NINL: variants seen among roughly 807,000 people sequenced by gnomAD.
NINL encodes the protein ninein like.
A neutral mutation model predicts 160.3 loss-of-function variants in NINL; 153 were observed. The ratio of observed to expected loss-of-function variants is 0.95; its 90% CI spans 0.84 to 1.09. The LOEUF is 1.09. NINL is among the 50% of genes least tolerant of loss of function. The pLI, the probability that NINL is intolerant of heterozygous loss-of-function variation, is 0.00. For synonymous variants in NINL, 800 were observed against 734.8 expected, an observed-to-expected ratio of 1.09 and a Z score of -1.43; for missense variants, 1,829 against 1,764.0, an observed-to-expected ratio of 1.04 and a Z score of -0.66.
chr20:25,579,248 GTA>G (rs1467725278), intron 1 of NINL, among the ~76,000 whole-genome samples: 1 of 152,140 alleles, frequency 6.6e-6, no homozygotes, highest in African/African-American at 2.4e-5. Context: ...GTGACCCTGA[GTA>G]TGTTATTATC....
Position 25,582,264 on chromosome 20 carries a change from A to C in NINL, c.-12+3191T>G, listed in dbSNP as rs2065183265. Among the ~76,000 whole-genome samples, 3 of 152,304 alleles carry C rather than the reference A, an allele frequency of 2.0e-5. No individual in the cohort carries two copies. The South Asian group carries it at 6.2e-4, about 32-fold the overall frequency. ...GCGAGACTCCATATCAAAAACAAAC[A>C]AACAAACAAACAAAAAACAAAACTT... On this transcript the variant is annotated intron_variant, in intron 1 of 23. Coordinates refer to ENST00000278886, the MANE Select transcript of NINL (RefSeq NM_025176.6).
At chr20:25,457,107 C>T (rs905234696) in intron 22 of NINL, among the ~76,000 whole-genome samples, 2 of 151,820 alleles carry the variant, frequency 1.3e-5, no homozygotes, top group African/African-American at 4.8e-5. Flanking sequence ...GGGTGGATCA[C>T]GAGGTCAGGA....
At chr20:25,505,795 G>T (rs1448892543) in intron 5 of NINL, among the ~76,000 whole-genome samples, 1 of 152,176 alleles carries the variant, frequency 6.6e-6, no homozygotes, top group East Asian at 1.9e-4. Flanking sequence ...AAGGGGAGCT[G>T]CAAAGCACCA....
At chr20:25,460,804 C>T (rs1431846593) in intron 21 of NINL, among the ~76,000 whole-genome samples, 4 of 152,316 alleles carry the variant, frequency 2.6e-5, no homozygotes, top group Admixed American at 2.6e-4. Context: ...AGCCGAGCCT[C>T]ACAGGCAGGT....
intron 21 of NINL, 51 bp downstream of exon 21, chr20:25,461,471 T>G (rs992446685): frequency 2.7e-6 from 3 of 1,118,446 alleles, no homozygotes; most frequent in South Asian, 1.5e-5. Context: ...GCGGTGATGC[T>G]GCTCCCAGGT....
At chr20:25,533,490 C>T (rs2064502974) in intron 1 of NINL, among the ~76,000 whole-genome samples, 1 of 151,816 alleles carries the variant, frequency 6.6e-6, no homozygotes, top group Non-Finnish European at 1.5e-5. Context: ...TAAAGTGTAT[C>T]TAAACAATAA....
chr20:25,493,813 ACTCGGGCCTTGAGGCCTGGCCCAGCAC>A lies in NINL; in HGVS notation c.1311-2315_1311-2289del, dbSNP rs559303601. 6.5e-3 allele frequency among the ~76,000 whole-genome samples: 988 copies of A among 152,104 alleles called. 13 individuals carry two copies. The highest frequency in any genetic ancestry group is 0.023 in the African/African-American group (946 of 41,466). The stretch of plus-strand genomic sequence containing the variant: ...ATGCCTTCCAGGCTCAGGGCAGGGA[ACTCGGGCCTTGAGGCCTGGCCCAGCAC>A]CTCCATGTGGAGGGCAAGGGCCCCA... On this transcript the variant is annotated intron_variant, in intron 10 of 23. Transcript: ENST00000278886.
At chr20:25,525,106 C>T (rs946141890) in intron 2 of NINL, among the ~76,000 whole-genome samples, 8 of 152,040 alleles carry the variant, frequency 5.3e-5, no homozygotes, top group East Asian at 3.9e-4. Flanking sequence ...CCTTCTTAAG[C>T]GCATTGAAAA....
intron 3 of NINL, among the ~76,000 whole-genome samples, chr20:25,513,513 A>T (rs1196183061): frequency 6.6e-6 from 1 of 152,204 alleles, no homozygotes; most frequent in Non-Finnish European, 1.5e-5. Flanking sequence ...AATCATCCCA[A>T]GACAGCAGGC....
intron 1 of NINL, among the ~76,000 whole-genome samples, chr20:25,551,694 C>T (rs1019371583): frequency 9.2e-5 from 14 of 152,192 alleles, no homozygotes; most frequent in Admixed American, 9.2e-4. Flanking sequence ...AACTGCTCAG[C>T]ACCCGTATGT....
intron 21 of NINL, among the ~76,000 whole-genome samples, chr20:25,460,894 G>A (rs566387473): frequency 6.8e-6 from 1 of 147,850 alleles, no homozygotes; most frequent in East Asian, 1.9e-4. Flanking sequence ...TGTCCACACT[G>A]GGCACTCGCC....
intron 1 of NINL, among the ~76,000 whole-genome samples, chr20:25,560,473 C>T (rs1428880118): frequency 6.6e-6 from 1 of 152,144 alleles, no homozygotes; most frequent in Non-Finnish European, 1.5e-5. Flanking sequence ...AGTCAGGTGG[C>T]CCTAATATAT....
At chr20:25,575,553 C>T (rs1223318144) in intron 1 of NINL, among the ~76,000 whole-genome samples, 4 of 151,416 alleles carry the variant, frequency 2.6e-5, no homozygotes. Flanking sequence ...GAATTCGAGA[C>T]CAGCTCGGCC....
At chr20:25,531,702 G>C (rs2064467186) in intron 1 of NINL, among the ~76,000 whole-genome samples, 1 of 152,268 alleles carries the variant, frequency 6.6e-6, no homozygotes, top group Non-Finnish European at 1.5e-5. Flanking sequence ...ACCAACCACT[G>C]TTTCCTCCTG....
At chr20:25,571,650 T>C (rs1337204841) in intron 1 of NINL, among the ~76,000 whole-genome samples, 1 of 152,096 alleles carries the variant, frequency 6.6e-6, no homozygotes, top group African/African-American at 2.4e-5. Flanking sequence ...GGTGGATCAC[T>C]TGAAGTCAGG....
chr20:25,575,520 A>T (rs2065105503), intron 1 of NINL, among the ~76,000 whole-genome samples: 1 of 151,590 alleles, frequency 6.6e-6, no homozygotes, highest in South Asian at 2.1e-4. Flanking sequence ...TGGGAGGGCA[A>T]GGTGGATGGA....
chr20:25,483,150 T>C (rs1314415965), intron 13 of NINL, among the ~76,000 whole-genome samples: 34 of 147,646 alleles, frequency 2.3e-4, no homozygotes, highest in Admixed American at 2.3e-3. Context: ...CTGGCCAACA[T>C]GGCGAAACCC....
chr20:25,459,716 C>G (rs2090790748), intron 21 of NINL, among the ~76,000 whole-genome samples: 1 of 152,144 alleles, frequency 6.6e-6, no homozygotes, highest in Non-Finnish European at 1.5e-5. Context: ...CGAACCCCCA[C>G]TAATTAAGCC....
chr20:25,553,628 C>A (rs2064830523), intron 1 of NINL, among the ~76,000 whole-genome samples: 1 of 152,204 alleles, frequency 6.6e-6, no homozygotes. Flanking sequence ...CATATAAAAT[C>A]TCATTCCTTT....
Sources: gnomAD v4.1 joint callset for allele counts (sites outside exome capture counted in the v4.1 genomes callset) on GRCh38, gnomAD v4.1.1 for gene constraint, MANE v1.5 for transcripts, NCBI Gene and HGNC (gene_info 2026-07-23, HGNC 2026-07-21) for gene names.